OSBPL10: variants seen among roughly 807,000 people sequenced by gnomAD.
OSBPL10 encodes oxysterol-binding protein-related protein 10.
In OSBPL10, 49 loss-of-function variants were observed where a neutral mutation model predicts 81.7. That is an observed-to-expected ratio of 0.60 (90% CI 0.48 to 0.76). OSBPL10 has a LOEUF of 0.76. Among genes scored for constraint, OSBPL10 ranks in the 30% least tolerant of loss-of-function variants. The pLI is 0.00. For synonymous variants in OSBPL10, 419 were observed against 383.6 expected, an observed-to-expected ratio of 1.09 and a Z score of -1.08; for missense variants, 923 against 987.8, an observed-to-expected ratio of 0.93 and a Z score of 0.88.
At chr3:31,744,742 T>G (rs922833107) in intron 5 of OSBPL10, among the ~76,000 whole-genome samples, 1 of 151,496 alleles carries the variant, frequency 6.6e-6, no homozygotes, top group Non-Finnish European at 1.5e-5. Context: ...TTGAGCTTTG[T>G]TCCCCTGGGC....
chr3:31,692,974 CTG>C (rs1323479469), intron 7 of OSBPL10, among the ~76,000 whole-genome samples: 2 of 152,368 alleles, frequency 1.3e-5, no homozygotes, highest in East Asian at 3.9e-4. Flanking sequence ...GATCGCATAA[CTG>C]TGTCGCCTCA....
intron 2 of OSBPL10, chr3:31,990,187 T>C (rs1402745128): frequency 6.2e-7 from 1 of 1,614,062 alleles, no homozygotes; most frequent in Non-Finnish European, 8.5e-7. Context: ...AGAGAAACCT[T>C]ACAAGTGTAA....
At chr3:31,962,755 G>A (rs1304376020) in intron 1 of OSBPL10, among the ~76,000 whole-genome samples, 1 of 152,184 alleles carries the variant, frequency 6.6e-6, no homozygotes, top group Non-Finnish European at 1.5e-5. Context: ...CTTGTCTAGG[G>A]GAGCAAATCC....
chr3:31,751,686 G>A (rs1286625114), intron 4 of OSBPL10, among the ~76,000 whole-genome samples: 1 of 152,160 alleles, frequency 6.6e-6, no homozygotes, highest in Non-Finnish European at 1.5e-5. Flanking sequence ...TCTTTCTTGA[G>A]AAACTGAATG....
At position 31,805,595 on chromosome 3, in the gene OSBPL10, G is replaced by C. The variant is rs184610905; in HGVS notation, c.729+24445C>G. ...CACTACTAACAAATTGAGCATTCTT[G>C]CTCTCATAGGTAAGACATAAAGTGA... On this transcript the variant is annotated intron_variant, in intron 4 of 11. Transcript: ENST00000396556. 1.1e-3 allele frequency among the ~76,000 whole-genome samples: 168 copies of C among 152,300 alleles called. 1 individual carries two copies. The highest frequency in any genetic ancestry group is 3.9e-3 in the African/African-American group (164 of 41,570).
At chr3:31,898,208 C>T (rs1488897345) in intron 1 of OSBPL10, among the ~76,000 whole-genome samples, 1 of 151,698 alleles carries the variant, frequency 6.6e-6, no homozygotes, top group Non-Finnish European at 1.5e-5. Flanking sequence ...TGAGATCTAT[C>T]GCATAGCAGG....
intron 1 of OSBPL10, among the ~76,000 whole-genome samples, chr3:31,965,371 A>C (rs1698292777): frequency 9.4e-6 from 1 of 106,246 alleles, no homozygotes; most frequent in Admixed American, 1.3e-4. Flanking sequence ...CTCCATCTCA[A>C]AAAATATATA....
intron 1 of OSBPL10, among the ~76,000 whole-genome samples, chr3:31,917,129 T>C (rs77567636): frequency 0.014 from 2,175 of 152,190 alleles, 37 homozygotes; most frequent in Middle Eastern, 0.048. Flanking sequence ...CAAGACAAAG[T>C]CGGTGTCACA....
At chr3:31,666,935 C>T (rs912833441) in intron 10 of OSBPL10, among the ~76,000 whole-genome samples, 30 of 152,142 alleles carry the variant, frequency 2.0e-4, no homozygotes, top group Non-Finnish European at 1.5e-4. Context: ...AGCTTGTTCC[C>T]TATTTCAGTA....
At chr3:32,003,572 T>A (rs1699171984) in intron 2 of OSBPL10, among the ~76,000 whole-genome samples, 2 of 152,210 alleles carry the variant, frequency 1.3e-5, no homozygotes, top group Admixed American at 6.5e-5. Context: ...TTCTGAGAAC[T>A]GAATATACCA....
At chr3:31,779,235 GTAAATGCCC>G (rs1369832177) in intron 4 of OSBPL10, among the ~76,000 whole-genome samples, 1 of 152,168 alleles carries the variant, frequency 6.6e-6, no homozygotes, top group Non-Finnish European at 1.5e-5. Context: ...AATGCTGAAT[GTAAATGCCC>G]TAATGCTCCA....
At chr3:31,714,815 A>AG (rs1266669687) in intron 6 of OSBPL10, 1 of 152,966 alleles carries the variant, frequency 6.5e-6, no homozygotes, top group East Asian at 1.9e-4. Flanking sequence ...ACATAAATGT[A>AG]GGGCCCTGCC....
intron 1 of OSBPL10, among the ~76,000 whole-genome samples, chr3:32,066,177 G>A (rs150397676): frequency 2.4e-5 from 1 of 41,904 alleles, no homozygotes; most frequent in Non-Finnish European, 1.0e-4. Flanking sequence ...AGGAAGGAAG[G>A]AAGGAAGGAA....
chr3:31,882,381 A>G (rs1266191040), intron 1 of OSBPL10, among the ~76,000 whole-genome samples: 1 of 152,178 alleles, frequency 6.6e-6, no homozygotes, highest in African/African-American at 2.4e-5. Flanking sequence ...GGCTATTCAA[A>G]GTGTGATCCC....
At chr3:31,938,718 C>T (rs779617709) in intron 1 of OSBPL10, among the ~76,000 whole-genome samples, 1 of 152,008 alleles carries the variant, frequency 6.6e-6, no homozygotes, top group Non-Finnish European at 1.5e-5. Context: ...TGGTCTCGAA[C>T]TCCTAGGCTC....
At chr3:31,905,836 C>G (rs2125684542) in intron 1 of OSBPL10, among the ~76,000 whole-genome samples, 1 of 151,180 alleles carries the variant, frequency 6.6e-6, no homozygotes, top group East Asian at 1.9e-4. Context: ...TAAAACATTC[C>G]CTGACAAAAA....
At chr3:31,831,690 A>G (rs574090077) in intron 3 of OSBPL10, among the ~76,000 whole-genome samples, 1 of 152,372 alleles carries the variant, frequency 6.6e-6, no homozygotes, top group East Asian at 1.9e-4. Context: ...TACTTTAGAT[A>G]ACCATCTTTC....
chr3:31,971,139 C>CTT (rs56785817), intron 1 of OSBPL10, among the ~76,000 whole-genome samples: 69 of 119,358 alleles, frequency 5.8e-4, no homozygotes, highest in Non-Finnish European at 9.9e-4. Flanking sequence ...TTTCTTTTTT[C>CTT]TTTTTTTTTT....
chr3:31,799,564 T>C (rs1699326076), intron 4 of OSBPL10, among the ~76,000 whole-genome samples: 2 of 152,112 alleles, frequency 1.3e-5, no homozygotes, highest in Non-Finnish European at 2.9e-5. Context: ...GCATAGCTCA[T>C]GGAGGTGTTG....
Sources: allele counts gnomAD v4.1 joint callset (sites outside exome capture counted in the v4.1 genomes callset), GRCh38; gene constraint gnomAD v4.1.1; transcripts MANE v1.5; gene names NCBI Gene and HGNC (gene_info 2026-07-23, HGNC 2026-07-21).